Variants in ST6GALNAC3 observed in about 807,000 individuals in gnomAD.
The protein encoded by ST6GALNAC3 is alpha-N-acetylgalactosaminide alpha-2,6-sialyltransferase 3.
A neutral mutation model predicts 32.7 loss-of-function variants in ST6GALNAC3; 25 were observed. The ratio of observed to expected loss-of-function variants is 0.76; its 90% CI spans 0.56 to 1.07. ST6GALNAC3 has a LOEUF of 1.07. Ranked by LOEUF, ST6GALNAC3 falls within the 50% of genes least tolerant of loss-of-function variation. The probability of loss-of-function intolerance (pLI) is 0.00; values close to 1 mark genes in which losing one functional copy is unlikely to be tolerated. For synonymous variants in ST6GALNAC3, 129 were observed against 133.1 expected (o/e 0.97, Z 0.21); for missense variants, 355 against 382.4 (o/e 0.93, Z 0.60).
chr1:76,090,419 C>T (rs914163594), intron 1 of ST6GALNAC3, among the ~76,000 whole-genome samples: 5 of 152,198 alleles, frequency 3.3e-5, no homozygotes, highest in Non-Finnish European at 5.9e-5. Flanking sequence ...ACTAACTGGC[C>T]GGATGGCTGT....
chr1:76,581,581 G>A (rs1001447115), intron 3 of ST6GALNAC3, among the ~76,000 whole-genome samples: 1 of 152,062 alleles, frequency 6.6e-6, no homozygotes, highest in Non-Finnish European at 1.5e-5. Flanking sequence ...CATTTTTACT[G>A]TACTCACTCC....
Position 76,567,654 on chromosome 1 carries a change from A to G in ST6GALNAC3, c.624-59798A>G, listed in dbSNP as rs546698674. Among the ~76,000 whole-genome samples the G allele has an allele frequency of 2.6e-5, 4 of 152,336 alleles. 1 individual carries two copies. The South Asian group carries it at 8.3e-4, about 32-fold the overall frequency. On this transcript the variant is annotated intron_variant, in intron 3 of 4. Coordinates refer to ENST00000328299, the MANE Select transcript of ST6GALNAC3 (RefSeq NM_152996.4). ...TTGGTATTTCAGAGATATCCTTTGA[A>G]CAGCCTAAATCAAATCATACTGGTA...
chr1:76,415,010 T>C (rs1654517994), intron 3 of ST6GALNAC3, among the ~76,000 whole-genome samples: 1 of 151,828 alleles, frequency 6.6e-6, no homozygotes, highest in African/African-American at 2.4e-5. Flanking sequence ...CTTCCCTGTC[T>C]CTCCTTCTCT....
intron 1 of ST6GALNAC3, among the ~76,000 whole-genome samples, chr1:76,153,004 G>C (rs1207983198): frequency 6.6e-6 from 1 of 152,160 alleles, no homozygotes; most frequent in Admixed American, 6.5e-5. Flanking sequence ...TCCCAGAAGG[G>C]AATTACCGGA....
Position 76,607,640 on chromosome 1 carries a change from C to T in ST6GALNAC3, c.624-19812C>T, listed in dbSNP as rs76612444. Among the ~76,000 whole-genome samples, 24 of 152,224 alleles carry T rather than the reference C, an allele frequency of 1.6e-4. No individual in the cohort carries two copies. In the East Asian group the frequency reaches 2.1e-3, roughly 13 times the overall value. ...TACAAGAATTTTAGGACCTCTCTGC[C>T]GGGGATTTGGGACAAAGATCAAATG... On this transcript the variant is annotated intron_variant, in intron 3 of 4. Transcript: ENST00000328299.
At chr1:76,242,388 C>T (rs1291529239) in intron 1 of ST6GALNAC3, among the ~76,000 whole-genome samples, 1 of 151,908 alleles carries the variant, frequency 6.6e-6, no homozygotes, top group Non-Finnish European at 1.5e-5. Context: ...ACGTCTGTAA[C>T]AGAGCTGGGA....
chr1:76,459,498 A>C (rs1184934543), intron 3 of ST6GALNAC3, among the ~76,000 whole-genome samples: 1 of 151,684 alleles, frequency 6.6e-6, no homozygotes, highest in Non-Finnish European at 1.5e-5. Context: ...CAGGAGGCAG[A>C]GCTTGCAGTG....
At chr1:76,168,991 C>T (rs1300367113) in intron 1 of ST6GALNAC3, among the ~76,000 whole-genome samples, 1 of 152,126 alleles carries the variant, frequency 6.6e-6, no homozygotes, top group African/African-American at 2.4e-5. Context: ...TTGACACTGT[C>T]ACCATAATGT....
chr1:76,301,959 C>T (rs1008595456), intron 1 of ST6GALNAC3, among the ~76,000 whole-genome samples: 4 of 151,790 alleles, frequency 2.6e-5, no homozygotes, highest in African/African-American at 9.7e-5. Context: ...TCCTTATGGA[C>T]TTCTGGTTAT....
At chr1:76,588,321 C>T (rs769165487) in intron 3 of ST6GALNAC3, among the ~76,000 whole-genome samples, 19 of 152,056 alleles carry the variant, frequency 1.2e-4, no homozygotes, top group Non-Finnish European at 2.2e-4. Context: ...CCACCTATCT[C>T]CTCCCTTTCA....
chr1:76,364,220 G>A (rs1650188255), intron 2 of ST6GALNAC3, among the ~76,000 whole-genome samples: 1 of 152,180 alleles, frequency 6.6e-6, no homozygotes, highest in African/African-American at 2.4e-5. Flanking sequence ...AGGAGGCTTT[G>A]AAGAGAATTA....
chr1:76,607,955 C>G (rs1433038354), intron 3 of ST6GALNAC3, among the ~76,000 whole-genome samples: 1 of 152,194 alleles, frequency 6.6e-6, no homozygotes, highest in Non-Finnish European at 1.5e-5. Flanking sequence ...GGCAGCCAGC[C>G]TGCTGCTAGG....
At chr1:76,145,504 T>C (rs1375831118) in intron 1 of ST6GALNAC3, among the ~76,000 whole-genome samples, 2 of 152,228 alleles carry the variant, frequency 1.3e-5, no homozygotes, top group Non-Finnish European at 2.9e-5. Context: ...CTGTATATCA[T>C]GCATGTTACT....
chr1:76,232,426 C>T (rs959695054), intron 1 of ST6GALNAC3, among the ~76,000 whole-genome samples: 1 of 146,964 alleles, frequency 6.8e-6, no homozygotes, highest in African/African-American at 2.5e-5. Context: ...AAATTGGGTT[C>T]GAACAAAGGG....
At chr1:76,444,175 A>C (rs1656809468) in intron 3 of ST6GALNAC3, among the ~76,000 whole-genome samples, 1 of 152,230 alleles carries the variant, frequency 6.6e-6, no homozygotes, top group African/African-American at 2.4e-5. Context: ...AGCCGCTGGC[A>C]TGGCAGGCGG....
At chr1:76,345,698 C>T (rs140575148) in intron 2 of ST6GALNAC3, among the ~76,000 whole-genome samples, 114 of 152,222 alleles carry the variant, frequency 7.5e-4, no homozygotes, top group African/African-American at 2.2e-3. Context: ...CTTCAGTCAC[C>T]TCTCATCTTA....
At chr1:76,186,726 T>C (rs1291990787) in intron 1 of ST6GALNAC3, among the ~76,000 whole-genome samples, 1 of 152,194 alleles carries the variant, frequency 6.6e-6, no homozygotes, top group African/African-American at 2.4e-5. Context: ...AACTCATTAC[T>C]GTGGTCATCT....
At chr1:76,525,791 GTATATATATATATATATA>G (rs199721572) in intron 3 of ST6GALNAC3, among the ~76,000 whole-genome samples, 24 of 75,580 alleles carry the variant, frequency 3.2e-4, no homozygotes, top group Admixed American at 5.1e-4. Context: ...GTGTGTGTGT[GTATATATATATATATATA>G]TATATATATA....
At chr1:76,556,689 A>G (rs987766621) in intron 3 of ST6GALNAC3, among the ~76,000 whole-genome samples, 2 of 152,042 alleles carry the variant, frequency 1.3e-5, no homozygotes, top group African/African-American at 2.4e-5. Flanking sequence ...ATGTTTCTTC[A>G]AATCGTTTGA....
Sources: allele counts gnomAD v4.1 joint callset (sites outside exome capture counted in the v4.1 genomes callset), GRCh38; gene constraint gnomAD v4.1.1; transcripts MANE v1.5; gene names NCBI Gene and HGNC (gene_info 2026-07-23, HGNC 2026-07-21).